HSF2BP: variants seen among roughly 807,000 people sequenced by gnomAD.
HSF2BP encodes heat shock transcription factor 2 binding protein, also known as heat shock factor 2-binding protein.
In HSF2BP, 35 loss-of-function variants were observed where a neutral mutation model predicts 35.0. The ratio of observed to expected loss-of-function variants is 1.00; its 90% CI spans 0.76 to 1.32. The LOEUF is 1.32. Ranked by LOEUF, HSF2BP falls within the 40% of genes most tolerant of loss-of-function variation. HSF2BP has a pLI of 0.00. For synonymous variants in HSF2BP, 114 were observed against 117.4 expected (o/e 0.97, Z 0.18); for missense variants, 326 against 321.7 (o/e 1.01, Z -0.10).
At chr21:43,623,350 T>C (rs2082352767) in intron 6 of HSF2BP, among the ~76,000 whole-genome samples, 1 of 151,776 alleles carries the variant, frequency 6.6e-6, no homozygotes, top group Non-Finnish European at 1.5e-5. Flanking sequence ...AATGCCTGTA[T>C]CAAAAAAGTA....
intron 6 of HSF2BP, among the ~76,000 whole-genome samples, chr21:43,629,468 G>A (rs1449213452): frequency 6.6e-6 from 1 of 152,228 alleles, no homozygotes; most frequent in Non-Finnish European, 1.5e-5. Context: ...GGGAGGCTGA[G>A]GCAGGAGAAT....
At chr21:43,589,590 T>C (rs992177959) in intron 8 of HSF2BP, among the ~76,000 whole-genome samples, 1 of 152,210 alleles carries the variant, frequency 6.6e-6, no homozygotes, top group African/African-American at 2.4e-5. Context: ...GGACGACTTA[T>C]ACTACCTGAC....
intron 7 of HSF2BP, among the ~76,000 whole-genome samples, chr21:43,604,722 CCACATACACCA>C (rs1370204895): frequency 3.2e-5 from 4 of 124,832 alleles, no homozygotes; most frequent in African/African-American, 1.2e-4. Flanking sequence ...ATCTCAGACA[CCACATACACCA>C]CACACACACC....
At chr21:43,599,251 C>A (rs905310096) in intron 7 of HSF2BP, among the ~76,000 whole-genome samples, 5 of 152,190 alleles carry the variant, frequency 3.3e-5, no homozygotes, top group African/African-American at 4.8e-5. Flanking sequence ...CACATACTTA[C>A]AACAACCATG....
chr21:43,600,594 C>T (rs1305904679), intron 7 of HSF2BP, among the ~76,000 whole-genome samples: 1 of 152,204 alleles, frequency 6.6e-6, no homozygotes, highest in African/African-American at 2.4e-5. Context: ...ACTTAACAGA[C>T]TTTAGATTCT....
intron 7 of HSF2BP, among the ~76,000 whole-genome samples, chr21:43,609,226 C>T (rs955778112): frequency 1.3e-5 from 2 of 152,050 alleles, no homozygotes; most frequent in Admixed American, 1.3e-4. Flanking sequence ...GGGAGCTAAA[C>T]CCTTGGTATA....
intron 8 of HSF2BP, among the ~76,000 whole-genome samples, chr21:43,587,461 T>C (rs1601625908): frequency 1.3e-5 from 2 of 149,320 alleles, no homozygotes; most frequent in African/African-American, 2.5e-5. Flanking sequence ...AGGGCGGGAG[T>C]TCGAGACCAA....
intron 6 of HSF2BP, among the ~76,000 whole-genome samples, chr21:43,621,480 C>T (rs2082330895): frequency 6.6e-6 from 1 of 151,672 alleles, no homozygotes; most frequent in South Asian, 2.1e-4. Flanking sequence ...TGAGCCGAGA[C>T]TGTGCCACTG....
intron 7 of HSF2BP, among the ~76,000 whole-genome samples, chr21:43,613,267 AC>A (rs1438083375): frequency 1.3e-5 from 2 of 152,200 alleles, no homozygotes; most frequent in Non-Finnish European, 2.9e-5. Flanking sequence ...CCCACAGCTG[AC>A]CAGCCAGCTG....
intron 7 of HSF2BP, among the ~76,000 whole-genome samples, chr21:43,607,887 T>C (rs2082153806): frequency 6.6e-6 from 1 of 152,200 alleles, no homozygotes; most frequent in South Asian, 2.1e-4. Flanking sequence ...GAAAAATAGC[T>C]AACCATATGT....
intron 7 of HSF2BP, among the ~76,000 whole-genome samples, chr21:43,607,237 C>T (rs777476442): frequency 6.6e-6 from 1 of 151,776 alleles, no homozygotes; most frequent in Admixed American, 6.6e-5. Flanking sequence ...CTGCAGTGAG[C>T]CGTGATTATG....
At chr21:43,582,018 G>A (rs1390720633) in intron 8 of HSF2BP, among the ~76,000 whole-genome samples, 6 of 140,730 alleles carry the variant, frequency 4.3e-5, no homozygotes, top group Non-Finnish European at 7.6e-5. Context: ...CCTGCTGTGG[G>A]GGATGAGGGC....
intron 6 of HSF2BP, among the ~76,000 whole-genome samples, chr21:43,616,396 CA>C (rs1421531518): frequency 1.3e-5 from 2 of 152,236 alleles, no homozygotes; most frequent in Non-Finnish European, 2.9e-5. Flanking sequence ...GTAATCCCAG[CA>C]CTTTGGAAGG....
intron 5 of HSF2BP, among the ~76,000 whole-genome samples, chr21:43,632,405 A>C (rs535648900): frequency 7.6e-5 from 8 of 105,486 alleles, no homozygotes; most frequent in South Asian, 3.4e-4. Context: ...ACACTCCCCC[A>C]CACACACATG....
intron 8 of HSF2BP, among the ~76,000 whole-genome samples, chr21:43,580,946 G>C (rs1195086270): frequency 6.6e-6 from 1 of 152,116 alleles, no homozygotes; most frequent in Non-Finnish European, 1.5e-5. Flanking sequence ...TCTGTGTTAC[G>C]TGATATAGCC....
At chr21:43,589,120 CTG>C (rs2146768580) in intron 8 of HSF2BP, among the ~76,000 whole-genome samples, 1 of 152,278 alleles carries the variant, frequency 6.6e-6, no homozygotes, top group African/African-American at 2.4e-5. Context: ...GCTGTGTGGG[CTG>C]TGTCACAGGA....
At chr21:43,612,102 C>G (rs756606395) in intron 7 of HSF2BP, among the ~76,000 whole-genome samples, 18 of 152,126 alleles carry the variant, frequency 1.2e-4, no homozygotes, top group Non-Finnish European at 2.1e-4. Flanking sequence ...ACACTGAAAC[C>G]AAACAGAGAA....
intron 8 of HSF2BP, among the ~76,000 whole-genome samples, chr21:43,584,259 T>C (rs939442218): frequency 1.5e-4 from 23 of 152,064 alleles, no homozygotes; most frequent in Non-Finnish European, 2.9e-4. Flanking sequence ...AGTCCCAATA[T>C]CTGCAGTCCA....
Position 43,592,077 on chromosome 21 carries a change from A to C in HSF2BP, c.796+148T>G, listed in dbSNP as rs566457928. The stretch of plus-strand genomic sequence containing the variant: ...TTAAACTTTACATACAGATGTATGA[A>C]TGTTTAAAAATATAGTATATAGAGA... On this transcript the variant is annotated intron_variant, in intron 8 of 8. Transcript: ENST00000291560. 6 of 553,122 alleles carry C rather than the reference A, an allele frequency of 1.1e-5. No individual in the cohort carries two copies. The African/African-American group carries it at 1.1e-4, about 10-fold the overall frequency. 34.3% of individuals were successfully genotyped at this position (553,122 alleles called of 1,614,324 possible).
Sources: allele counts gnomAD v4.1 joint callset (sites outside exome capture counted in the v4.1 genomes callset), GRCh38; gene constraint gnomAD v4.1.1; transcripts MANE v1.5; gene names NCBI Gene and HGNC (gene_info 2026-07-23, HGNC 2026-07-21).